The following RIMS1 variants were observed in gnomAD, a reference collection of about 807,000 sequenced individuals.
RIMS1 encodes the protein regulating synaptic membrane exocytosis protein 1.
RIMS1 carries 83 observed loss-of-function variants against 214.1 expected under a neutral mutation model. The observed-to-expected ratio is 0.39, with a 90% CI of 0.32 to 0.47. The LOEUF (loss-of-function observed/expected upper bound fraction) is 0.47, where lower values mean the gene tolerates loss of function less well. Among genes scored for constraint, RIMS1 ranks in the 20% least tolerant of loss-of-function variants. The pLI is 0.99. For synonymous variants in RIMS1, 793 were observed against 786.8 expected (o/e 1.01, Z -0.13); for missense variants, 2,050 against 2,161.8 (o/e 0.95, Z 1.03).
In RIMS1 at chr6:72,265,503, G is replaced by A. The variant is rs377746076; in HGVS notation, c.3308G>A (p.Ser1103Asn). Reference sequence around the variant, plus strand: ...AGATTTACTGATGAAATACTGGTTAGGTAAGAACATTTGGAAGTGATATCT... The same window carrying A: ...AGATTTACTGATGAAATACTGGTTAAGTAAGAACATTTGGAAGTGATATCT... ...VLRFTDEILV[S>N]ELQPFLDRAR... Residue 1103 changes from serine to asparagine, a missense_variant and splice_region_variant, in exon 21 of 34, where the codon AGT (serine) becomes AAT (asparagine). Physicochemically the swap from Ser to Asn is conservative, Grantham distance 46. Coordinates refer to ENST00000521978, the MANE Select transcript of RIMS1 (RefSeq NM_014989.7). The A allele has an allele frequency of 5.9e-6, 9 of 1,514,908 alleles. No homozygotes were observed. Among genetic ancestry groups the A allele is most frequent in the Middle Eastern group, 1.7e-4 (1 of 5,846 alleles). The allele number at this position is 1,514,908 out of a possible 1,614,324, so 93.8% of individuals were successfully genotyped here. A position where few individuals can be genotyped will look rare whatever the true frequency, so the allele number is the denominator to read the frequency against.
chr6:72,341,945 A>G (rs1301968076), intron 29 of RIMS1, among the ~76,000 whole-genome samples: 1 of 151,874 alleles, frequency 6.6e-6, no homozygotes, highest in Admixed American at 6.6e-5. Context: ...AAAATATTGC[A>G]GGACTCTTTC....
At chr6:72,233,173 A>C (rs1276718771) in intron 6 of RIMS1, among the ~76,000 whole-genome samples, 2 of 151,884 alleles carry the variant, frequency 1.3e-5, no homozygotes, top group African/African-American at 2.4e-5. Context: ...AAAAGATCAA[A>C]AATAAAGGTT....
In RIMS1 at chr6:72,265,006, C is replaced by A. The variant is rs1467543209; in HGVS notation, c.3148C>A (p.Pro1050Thr). Residue 1050 changes from proline to threonine, a missense_variant, in exon 20 of 34, where the codon CCC becomes ACC. By Grantham distance (38) the Pro-to-Thr change is conservative. This residue lies in a region of RIMS1 where 889 missense variants were observed against 885.5 expected (regional missense o/e 1.00). Transcript: ENST00000521978. Reference sequence around the variant, plus strand: ...TGTTAGGCACTATAAAACATTACCTCCCAAGATGCCTTTATTACAGAGCAG... The same window carrying A: ...TGTTAGGCACTATAAAACATTACCTACCAAGATGCCTTTATTACAGAGCAG... ...HLVRHYKTLP[P>T]KMPLLQSSSH... 7.5e-6 allele frequency: 12 copies of A among 1,597,580 alleles called. No homozygotes were observed. The highest frequency in any genetic ancestry group is 2.7e-5 in the African/African-American group (2 of 74,714).
intron 2 of RIMS1, among the ~76,000 whole-genome samples, chr6:72,027,718 G>C (rs1238339491): frequency 6.6e-6 from 1 of 151,910 alleles, no homozygotes; most frequent in Non-Finnish European, 1.5e-5. Flanking sequence ...ACCTGAGACT[G>C]TATCCCATGC....
intron 6 of RIMS1, among the ~76,000 whole-genome samples, chr6:72,233,570 C>T (rs1432587606): frequency 6.6e-6 from 1 of 150,828 alleles, no homozygotes; most frequent in East Asian, 1.9e-4. Flanking sequence ...GGTAGTCATT[C>T]ATTGTATGAA....
chr6:72,038,823 G>A (rs185671013), intron 2 of RIMS1, among the ~76,000 whole-genome samples: 79 of 152,258 alleles, frequency 5.2e-4, no homozygotes, highest in African/African-American at 1.8e-3. Flanking sequence ...AGGCTCTTAT[G>A]TGGTTTGTGT....
At chr6:71,923,375 C>G (rs752236302) in intron 1 of RIMS1, among the ~76,000 whole-genome samples, 1 of 152,028 alleles carries the variant, frequency 6.6e-6, no homozygotes, top group African/African-American at 2.4e-5. Flanking sequence ...TTATGTAGTG[C>G]GGATTTTCTT....
intron 4 of RIMS1, among the ~76,000 whole-genome samples, chr6:72,138,906 G>C (rs1241619177): frequency 6.6e-6 from 1 of 152,080 alleles, no homozygotes; most frequent in Non-Finnish European, 1.5e-5. Context: ...TAGCCTCCAT[G>C]AACATTTAAA....
At chr6:72,331,101 C>T (rs2096643329) in intron 28 of RIMS1, among the ~76,000 whole-genome samples, 1 of 151,370 alleles carries the variant, frequency 6.6e-6, no homozygotes, top group African/African-American at 2.4e-5. Flanking sequence ...AATTGGATAC[C>T]CGTGAAATAA....
At chr6:72,000,181 T>C (rs1411057995) in intron 2 of RIMS1, among the ~76,000 whole-genome samples, 2 of 152,138 alleles carry the variant, frequency 1.3e-5, no homozygotes, top group African/African-American at 2.4e-5. Context: ...ACATAAATCT[T>C]ATATGATATT....
At chr6:72,125,400 C>T (rs1279718035) in intron 4 of RIMS1, among the ~76,000 whole-genome samples, 2 of 152,122 alleles carry the variant, frequency 1.3e-5, no homozygotes, top group African/African-American at 4.8e-5. Flanking sequence ...GTCAGTCGAC[C>T]CCTGCTGGCA....
chr6:72,300,590 A>G (rs542471862), intron 26 of RIMS1, among the ~76,000 whole-genome samples: 1 of 151,902 alleles, frequency 6.6e-6, no homozygotes, highest in Admixed American at 6.6e-5. Flanking sequence ...GCTTAATTAC[A>G]CAGGTTGCTT....
At chr6:72,051,158 T>G (rs980108555) in intron 2 of RIMS1, among the ~76,000 whole-genome samples, 7 of 152,176 alleles carry the variant, frequency 4.6e-5, no homozygotes, top group African/African-American at 1.7e-4. Context: ...TATCTCAGTC[T>G]GACAAAGGCC....
At chr6:72,383,064 T>C (rs1044988804) in intron 29 of RIMS1, among the ~76,000 whole-genome samples, 9 of 152,210 alleles carry the variant, frequency 5.9e-5, no homozygotes, top group Admixed American at 1.3e-4. Flanking sequence ...GATTTGCATT[T>C]CTCAGCTCAT....
chr6:72,047,734 G>C (rs1184111210), intron 2 of RIMS1, among the ~76,000 whole-genome samples: 1 of 152,152 alleles, frequency 6.6e-6, no homozygotes, highest in African/African-American at 2.4e-5. Context: ...CAAGAAGTTA[G>C]TATCAATTAC....
chr6:72,217,216 C>T, intron 6 of RIMS1: 1 of 1,536,616 alleles, frequency 6.5e-7, no homozygotes, highest in Non-Finnish European at 8.7e-7. Flanking sequence ...GCAGTTTCTA[C>T]TACTTCATAC....
In RIMS1 at chr6:72,000,156, TATG is replaced by T. The variant is rs536351120; in HGVS notation, c.245+31096_245+31098del. ...ATCCTTCTTGGATATCAGTATATGA[TATG>T]ATATATTAATAACATAAATCTTATA... is the stretch of plus-strand genomic sequence containing the variant. On this transcript the variant is annotated intron_variant, in intron 2 of 33. Transcript: ENST00000521978. 3.9e-5 allele frequency among the ~76,000 whole-genome samples: 6 copies of T among 152,234 alleles called. No individual in the cohort carries two copies. The South Asian group carries it at 8.3e-4, about 21-fold the overall frequency.
intron 2 of RIMS1, among the ~76,000 whole-genome samples, chr6:72,067,409 T>C (rs1461859540): frequency 6.6e-6 from 1 of 152,224 alleles, no homozygotes; most frequent in Non-Finnish European, 1.5e-5. Context: ...ACCTAGAATA[T>C]TCTCCCTTAG....
chr6:71,999,039 T>C (rs1804322759), intron 2 of RIMS1, among the ~76,000 whole-genome samples: 1 of 152,100 alleles, frequency 6.6e-6, no homozygotes, highest in South Asian at 2.1e-4. Context: ...TAGGATATTG[T>C]TATGATGTTT....
Sources: allele counts gnomAD v4.1 joint callset (sites outside exome capture counted in the v4.1 genomes callset), GRCh38; gene constraint gnomAD v4.1.1; regional missense constraint gnomAD v4.1.1; transcripts MANE v1.5; gene names NCBI Gene and HGNC (gene_info 2026-07-23, HGNC 2026-07-21).